BAZ1B: variants seen among roughly 807,000 people sequenced by gnomAD.
BAZ1B encodes bromodomain adjacent to zinc finger domain 1B.
BAZ1B carries 22 observed loss-of-function variants against 153.8 expected under a neutral mutation model. The observed-to-expected ratio is 0.14, with a 90% CI of 0.10 to 0.20. The LOEUF is 0.20. Ranked by LOEUF, BAZ1B falls within the 10% of genes least tolerant of loss-of-function variation. The pLI, the probability that BAZ1B is intolerant of heterozygous loss-of-function variation, is 1.00. For synonymous variants in BAZ1B, 676 were observed against 633.4 expected, an observed-to-expected ratio of 1.07 and a Z score of -1.01; for missense variants, 1,325 against 1,799.3, an observed-to-expected ratio of 0.74 and a Z score of 4.77.
At chr7:73,445,485 C>G (rs1017278868) in intron 16 of BAZ1B, among the ~76,000 whole-genome samples, 3 of 152,150 alleles carry the variant, frequency 2.0e-5, no homozygotes, top group African/African-American at 7.2e-5. Context: ...CTTAGAAAAG[C>G]AATTCCTTGG....
chr7:73,514,329 G>A (rs943879161), intron 1 of BAZ1B, among the ~76,000 whole-genome samples: 7 of 152,036 alleles, frequency 4.6e-5, no homozygotes, highest in South Asian at 4.1e-4. Flanking sequence ...TCAGGAGTTC[G>A]AGACCAGCGT....
At chr7:73,478,606 A>G (rs781881149) in intron 6 of BAZ1B, 37 bp from the exon 7 acceptor site, 1 of 1,443,310 alleles carries the variant, frequency 6.9e-7, no homozygotes, top group South Asian at 1.5e-5. Context: ...TAATTTTAAA[A>G]TCTAAAACTA....
rs1554564673 is a variant in BAZ1B, at chr7:73,441,010, C to G, written c.*699G>C. 6.6e-6 allele frequency: 1 copy of G among 152,460 alleles called. No individual in the cohort carries two copies. Among genetic ancestry groups the G allele is most frequent in the Non-Finnish European group, 1.5e-5 (1 of 68,042 alleles). The allele number at this position is 152,460 out of a possible 1,614,324, so 9.4% of individuals were successfully genotyped here. A position where few individuals can be genotyped will look rare whatever the true frequency, so the allele number is the denominator to read the frequency against. On this transcript the variant is annotated 3_prime_UTR_variant, in exon 20 of 20. Coordinates refer to ENST00000339594, the MANE Select transcript of BAZ1B (RefSeq NM_032408.4). ...TCTCTGCCGCTCTCTCCTCCCACCCCCCACCGACACTGACCACTGGAATCT... is the reference window on the plus strand; with the variant it reads ...TCTCTGCCGCTCTCTCCTCCCACCCGCCACCGACACTGACCACTGGAATCT...
intron 7 of BAZ1B, among the ~76,000 whole-genome samples, chr7:73,476,597 T>C (rs1789009975): frequency 6.6e-6 from 1 of 152,214 alleles, no homozygotes; most frequent in African/African-American, 2.4e-5. Context: ...TTCCACTATT[T>C]CTATTTGTAG....
chr7:73,473,175 C>T (rs1431100868), intron 7 of BAZ1B, among the ~76,000 whole-genome samples: 10 of 152,246 alleles, frequency 6.6e-5, no homozygotes, highest in Admixed American at 5.2e-4. Context: ...CTCCTGACCT[C>T]GTGATCTGCC....
intron 3 of BAZ1B, among the ~76,000 whole-genome samples, chr7:73,499,021 T>C (rs1790023931): frequency 6.6e-6 from 1 of 152,178 alleles, no homozygotes; most frequent in Admixed American, 6.5e-5. Flanking sequence ...TTGTATGTAT[T>C]TACTTATTAT....
intron 4 of BAZ1B, among the ~76,000 whole-genome samples, chr7:73,493,282 G>T (rs1789728680): frequency 6.6e-6 from 1 of 151,826 alleles, no homozygotes; most frequent in Non-Finnish European, 1.5e-5. Flanking sequence ...CCAACATGGA[G>T]AAACTCCATC....
At chr7:73,442,686 G>A (rs375363923) in intron 18 of BAZ1B, 39 bp downstream of exon 18, 17 of 1,597,246 alleles carry the variant, frequency 1.1e-5, no homozygotes, top group Non-Finnish European at 1.4e-5. Context: ...AACCAGCCAG[G>A]CCACTCCTCT....
intron 13 of BAZ1B, among the ~76,000 whole-genome samples, chr7:73,453,586 C>T (rs781932972): frequency 7.9e-5 from 12 of 152,194 alleles, no homozygotes; most frequent in South Asian, 4.1e-4. Flanking sequence ...AGTAGTAAGA[C>T]TAAAACTTAA....
intron 4 of BAZ1B, among the ~76,000 whole-genome samples, chr7:73,496,561 T>C (rs1180321918): frequency 1.3e-5 from 2 of 152,196 alleles, no homozygotes; most frequent in Middle Eastern, 3.2e-3. Flanking sequence ...TTGGTGCACC[T>C]ACATTTTTGG....
intron 6 of BAZ1B, among the ~76,000 whole-genome samples, chr7:73,483,690 G>T (rs965229507): frequency 2.0e-5 from 3 of 151,876 alleles, no homozygotes; most frequent in Admixed American, 6.6e-5. Flanking sequence ...CACACAGGCT[G>T]GAGTGCAGTG....
chr7:73,458,481 A>G (rs1344997159), intron 13 of BAZ1B, among the ~76,000 whole-genome samples: 1 of 151,856 alleles, frequency 6.6e-6, no homozygotes, highest in African/African-American at 2.4e-5. Flanking sequence ...TTCGAGACCA[A>G]CCTAGCCAAC....
At chr7:73,514,303 G>A (rs1790703620) in intron 1 of BAZ1B, among the ~76,000 whole-genome samples, 1 of 152,176 alleles carries the variant, frequency 6.6e-6, no homozygotes, top group South Asian at 2.1e-4. Context: ...GGCCAAGGCA[G>A]GTGGATCACC....
chr7:73,484,925 T>A (rs1789346379), intron 6 of BAZ1B, among the ~76,000 whole-genome samples: 1 of 152,174 alleles, frequency 6.6e-6, no homozygotes, highest in African/African-American at 2.4e-5. Flanking sequence ...ATGTGACACA[T>A]GGTAGCACAA....
At chr7:73,471,399 A>T (rs528279510) in intron 7 of BAZ1B, among the ~76,000 whole-genome samples, 2 of 152,332 alleles carry the variant, frequency 1.3e-5, no homozygotes, top group East Asian at 3.9e-4. Flanking sequence ...TTCAGTTAGA[A>T]ATTTCCCTCA....
Position 73,478,112 on chromosome 7 carries a change from ATCT to A in BAZ1B, c.1346_1348del (p.Lys449del), listed in dbSNP as rs782524692. 7.4e-6 allele frequency: 12 copies of A among 1,614,178 alleles called. No homozygotes were observed. The South Asian group carries it at 1.3e-4, about 18-fold the overall frequency. ...CCCAGAATTCCGTGGGGCTCGTGTC[ATCT>A]TCTGCGTGCCTTTGGCCATATCCAA... On this transcript the variant is annotated inframe_deletion, in exon 7 of 20. Transcript: ENST00000339594.
intron 9 of BAZ1B, among the ~76,000 whole-genome samples, 176 bp downstream of exon 9, chr7:73,469,341 C>T (rs1788710808): frequency 6.6e-6 from 1 of 152,262 alleles, no homozygotes; most frequent in South Asian, 2.1e-4. Context: ...GGTAATCAAA[C>T]GTGGGTTTCT....
At chr7:73,486,013 G>A (rs1789393126) in intron 6 of BAZ1B, among the ~76,000 whole-genome samples, 1 of 152,008 alleles carries the variant, frequency 6.6e-6, no homozygotes, top group Non-Finnish European at 1.5e-5. Context: ...CAAGTCATTG[G>A]GCCTACAAAA....
intron 3 of BAZ1B, 59 bp downstream of exon 3, chr7:73,508,268 C>T (rs1183398465): frequency 1.3e-6 from 2 of 1,561,144 alleles, no homozygotes; most frequent in South Asian, 2.4e-5. Flanking sequence ...TGTTCTGTAA[C>T]CTACGATGAC....
Sources: allele counts gnomAD v4.1 joint callset (sites outside exome capture counted in the v4.1 genomes callset), GRCh38; gene constraint gnomAD v4.1.1; transcripts MANE v1.5; gene names NCBI Gene and HGNC (gene_info 2026-07-23, HGNC 2026-07-21).